The following ADCY1 variants were observed in gnomAD, a reference collection of about 807,000 sequenced individuals.
ADCY1 encodes the protein adenylate cyclase type 1.
ADCY1 carries 28 observed loss-of-function variants against 105.4 expected under a neutral mutation model. That is an observed-to-expected ratio of 0.27 (90% confidence interval 0.20 to 0.36). The LOEUF is 0.36. Among genes scored for constraint, ADCY1 ranks in the 10% least tolerant of loss-of-function variants. The probability of loss-of-function intolerance (pLI) is 1.00; values close to 1 mark genes in which losing one functional copy is unlikely to be tolerated. For missense variants in ADCY1, 977 were observed against 1,434.2 expected, an observed-to-expected ratio of 0.68 and a Z score of 5.15; for synonymous variants, 655 against 623.8, an observed-to-expected ratio of 1.05 and a Z score of -0.75.
chr7:45,612,182 G>T (rs921930212), intron 3 of ADCY1, among the ~76,000 whole-genome samples: 2 of 152,228 alleles, frequency 1.3e-5, no homozygotes, highest in African/African-American at 4.8e-5. Context: ...TGGGGTGAAG[G>T]CCCAAGTGGG....
chr7:45,659,767 C>G (rs1795042793), intron 6 of ADCY1, among the ~76,000 whole-genome samples: 1 of 148,720 alleles, frequency 6.7e-6, no homozygotes, highest in Non-Finnish European at 1.5e-5. Context: ...CTTTCTCTCT[C>G]TCTCTTGGTT....
intron 3 of ADCY1, among the ~76,000 whole-genome samples, chr7:45,612,009 CAG>C (rs1259974687): frequency 6.6e-6 from 1 of 152,186 alleles, no homozygotes; most frequent in African/African-American, 2.4e-5. Flanking sequence ...GTGGGTCCAT[CAG>C]AGTCAGTCAT....
intron 1 of ADCY1, among the ~76,000 whole-genome samples, chr7:45,582,103 T>C (rs1179113185): frequency 6.6e-6 from 1 of 152,074 alleles, no homozygotes; most frequent in East Asian, 1.9e-4. Context: ...CACCCACTTA[T>C]AGATTCACAC....
At position 45,655,552 on chromosome 7, in the gene ADCY1, G is replaced by A. The variant is rs116452153; in HGVS notation, c.1149-2175G>A. Reference sequence around the variant, plus strand: ...ACCAAGAGGAGTCACTATGAGAACAGTTCTGGGTGCATCAGTTTTTTAGAA... The same window carrying A: ...ACCAAGAGGAGTCACTATGAGAACAATTCTGGGTGCATCAGTTTTTTAGAA... On this transcript the variant is annotated intron_variant, in intron 5 of 19. Coordinates refer to ENST00000297323, the MANE Select transcript of ADCY1 (RefSeq NM_021116.4). Among the ~76,000 whole-genome samples, 1,517 of 152,340 alleles carry A rather than the reference G, an allele frequency of 1.0e-2. 22 individuals carry two copies. The highest frequency in any genetic ancestry group is 0.034 in the African/African-American group (1,423 of 41,564).
Position 45,660,094 on chromosome 7 carries a change from G to A in ADCY1, c.1360G>A (p.Val454Ile), listed in dbSNP as rs1795054409. Reference sequence around the variant, plus strand: ...AGCGTGCTTGAATGGGGACTACGAGGTAGAACCGGGTTACGGACATGAGAG... The same window carrying A: ...AGCGTGCTTGAATGGGGACTACGAGATAGAACCGGGTTACGGACATGAGAG... ...TLACLNGDYE[V>I]EPGYGHERNS... The change falls in exon 7 of 20, where the codon GTA (valine) becomes ATA (isoleucine). Residue 454 changes from valine (V) to isoleucine (I), a missense_variant. Val to Ile is a conservative substitution (Grantham distance 29, BLOSUM62 3). Coordinates refer to ENST00000297323, the MANE Select transcript of ADCY1 (RefSeq NM_021116.4). The A allele has an allele frequency of 3.1e-6, 5 of 1,614,210 alleles. No homozygotes were observed. Among genetic ancestry groups the A allele is most frequent in the Non-Finnish European group, 3.4e-6 (4 of 1,180,048 alleles).
chr7:45,664,197 GT>G lies in ADCY1; in HGVS notation c.1605+1985del, dbSNP rs1207461156. On this transcript the variant is annotated intron_variant, in intron 8 of 19. Transcript: ENST00000297323. ...ACTGGATTTTACAAGGAAGTGCACCGTTGGGCCTAGGAGAAGTTTCAGAGCC... is the reference window on the plus strand; with the variant it reads ...ACTGGATTTTACAAGGAAGTGCACCGTGGGCCTAGGAGAAGTTTCAGAGCC... 4.2e-6 allele frequency: 5 copies of G among 1,177,784 alleles called. No homozygotes were observed. The East Asian group carries it at 1.3e-4, about 30-fold the overall frequency. 73.0% of individuals were successfully genotyped at this position (1,177,784 alleles called of 1,614,324 possible).
chr7:45,593,544 G>C (rs1023259216), intron 2 of ADCY1, among the ~76,000 whole-genome samples: 1 of 152,180 alleles, frequency 6.6e-6, no homozygotes, highest in Non-Finnish European at 1.5e-5. Flanking sequence ...TGTCTGCTGC[G>C]CGGGGCCTGT....
chr7:45,699,925 G>C (rs537179021), intron 14 of ADCY1, among the ~76,000 whole-genome samples: 4 of 152,174 alleles, frequency 2.6e-5, no homozygotes, highest in African/African-American at 9.7e-5. Flanking sequence ...AGCACAGAAG[G>C]GGGGCTGTGA....
At chr7:45,699,967 A>C (rs1203541903) in intron 14 of ADCY1, among the ~76,000 whole-genome samples, 1 of 152,154 alleles carries the variant, frequency 6.6e-6, no homozygotes, top group Non-Finnish European at 1.5e-5. Context: ...GTCCAGCCAG[A>C]AGCCCCCCTT....
At chr7:45,700,976 A>G (rs56697918) in intron 14 of ADCY1, among the ~76,000 whole-genome samples, 4,288 of 152,342 alleles carry the variant, frequency 0.028, 208 homozygotes, top group African/African-American at 0.098. Context: ...TCACGTAACT[A>G]TCACTAGATG....
At chr7:45,662,703 G>A (rs1376365725) in intron 8 of ADCY1, among the ~76,000 whole-genome samples, 2 of 152,060 alleles carry the variant, frequency 1.3e-5, no homozygotes, top group South Asian at 2.1e-4. Flanking sequence ...TGTTACTCTC[G>A]GTTAGCAGCC....
intron 11 of ADCY1, among the ~76,000 whole-genome samples, chr7:45,681,203 G>A (rs986032448): frequency 6.6e-6 from 1 of 152,240 alleles, no homozygotes; most frequent in African/African-American, 2.4e-5. Flanking sequence ...GGGGCGCTAA[G>A]TCATCTGCCC....
Position 45,714,096 on chromosome 7 carries a change from C to G in ADCY1, c.*101C>G. On this transcript the variant is annotated 3_prime_UTR_variant, in exon 20 of 20. Transcript: ENST00000297323. ...GCCAGGACCAGCCAGACCAGCAGAG[C>G]AGGGAGCCACTTGCCAGGGTGGAGG... 1 of 623,584 alleles carries G rather than the reference C, an allele frequency of 1.6e-6. No individual in the cohort carries two copies. Among genetic ancestry groups the G allele is most frequent in the Non-Finnish European group, 2.9e-6 (1 of 347,036 alleles). 38.6% of individuals were successfully genotyped at this position (623,584 alleles called of 1,614,324 possible). A position where few individuals can be genotyped will look rare whatever the true frequency, so the allele number is the denominator to read the frequency against.
intron 1 of ADCY1, among the ~76,000 whole-genome samples, chr7:45,589,830 G>A (rs1184073303): frequency 7.9e-5 from 12 of 152,046 alleles, no homozygotes; most frequent in Admixed American, 3.3e-4. Flanking sequence ...GCTCCTAGAG[G>A]AGTGGGTTGT....
chr7:45,603,050 G>T (rs550978890), intron 2 of ADCY1, among the ~76,000 whole-genome samples: 2 of 152,210 alleles, frequency 1.3e-5, no homozygotes, highest in East Asian at 3.9e-4. Context: ...CATACAAATG[G>T]AATCATATAA....
chr7:45,664,389 C>T (rs1795213552), intron 8 of ADCY1: 1 of 1,535,998 alleles, frequency 6.5e-7, no homozygotes, highest in Non-Finnish European at 8.7e-7. Context: ...CAGGTCCTGC[C>T]CAACAGCCAC....
chr7:45,616,448 C>T (rs750509706), intron 3 of ADCY1, among the ~76,000 whole-genome samples: 2 of 152,188 alleles, frequency 1.3e-5, no homozygotes, highest in Admixed American at 1.3e-4. Context: ...TCCAGGATCA[C>T]ATTAAATGCC....
chr7:45,687,813 T>C (rs1784713678), intron 14 of ADCY1, among the ~76,000 whole-genome samples: 1 of 152,086 alleles, frequency 6.6e-6, no homozygotes, highest in Admixed American at 6.5e-5. Flanking sequence ...TGTGTGATCT[T>C]TGGGTAGGCT....
At chr7:45,608,774 A>G (rs1793449281) in intron 2 of ADCY1, among the ~76,000 whole-genome samples, 1 of 150,274 alleles carries the variant, frequency 6.7e-6, no homozygotes, top group African/African-American at 2.4e-5. Flanking sequence ...TGGAGGCCAC[A>G]TGGGGGCTGC....
Sources: allele counts gnomAD v4.1 joint callset (sites outside exome capture counted in the v4.1 genomes callset), GRCh38; gene constraint gnomAD v4.1.1; transcripts MANE v1.5; gene names NCBI Gene and HGNC (gene_info 2026-07-23, HGNC 2026-07-21).